GRK1: variants seen among roughly 807,000 people sequenced by gnomAD.
GRK1 encodes the protein G protein-coupled receptor kinase 1.
In GRK1, 28 loss-of-function variants were observed where a neutral mutation model predicts 41.7. The ratio of observed to expected loss-of-function variants is 0.67; its 90% CI spans 0.50 to 0.92. The LOEUF is 0.92. Ranked by LOEUF, GRK1 falls within the 40% of genes least tolerant of loss-of-function variation. The pLI, the probability that GRK1 is intolerant of heterozygous loss-of-function variation, is 0.00. For synonymous variants in GRK1, 327 were observed against 286.7 expected, an observed-to-expected ratio of 1.14 and a Z score of -1.42; for missense variants, 703 against 671.2, an observed-to-expected ratio of 1.05 and a Z score of -0.52.
Position 113,667,800 on chromosome 13 carries a change from T to G in GRK1, c.414T>G (p.Pro138=), listed in dbSNP as rs1273661549. 6.2e-7 allele frequency: 1 copy of G among 1,607,600 alleles called. No homozygotes were observed. The highest frequency in any genetic ancestry group is 1.1e-5 in the South Asian group (1 of 90,690). The part of the protein sequence containing the change: ...EGIVAKFKEG[P]VEIQDGLFQP... The stretch of plus-strand genomic sequence containing the variant: ...TAGTGGCGAAGTTTAAGGAGGGGCC[T>G]GTGGAGATCCAGGACGGGCTCTTCC... The change falls in exon 1 of 7, where the codon CCT becomes CCG. Residue 138 remains proline, a synonymous_variant. Coordinates refer to ENST00000335678, the MANE Select transcript of GRK1 (RefSeq NM_002929.3). The surrounding 1 kb of genome is among the most constrained non-coding windows in gnomAD (Gnocchi z 7.5).
upstream of GRK1, among the ~76,000 whole-genome samples, chr13:113,666,443 G>A (rs1398486648): frequency 3.3e-5 from 5 of 151,222 alleles, no homozygotes; most frequent in Non-Finnish European, 7.4e-5. Context: ...TGTCCCAGGT[G>A]TGTCCCAGGT....
chr13:113,725,322 T>C (rs375951900), intron 4 of GRK1, among the ~76,000 whole-genome samples: 16,366 of 114,418 alleles, frequency 0.14, 323 homozygotes, highest in Middle Eastern at 0.25. Flanking sequence ...AGGGGCGGGA[T>C]CCAGGGGCGT....
chr13:113,671,546 C>T lies in GRK1; in HGVS notation c.875C>T (p.Pro292Leu), dbSNP rs369158147. 55 of 778,710 alleles carry T rather than the reference C, an allele frequency of 7.1e-5. No homozygotes were observed. The highest frequency in any genetic ancestry group is 1.2e-4 in the Non-Finnish European group (49 of 417,968). The allele number at this position is 778,710 out of a possible 1,614,324, so 48.2% of individuals were successfully genotyped here. ...VNEENPGFPE[P>L]RALFYTAQII... is the part of the protein sequence containing the mutation. ...GAGGAGAACCCTGGCTTCCCGGAGCCGCGCGCCCTCTTCTACACGGCGCAG... is the reference window on the plus strand; with the variant it reads ...GAGGAGAACCCTGGCTTCCCGGAGCTGCGCGCCCTCTTCTACACGGCGCAG... The change falls in exon 3 of 7, where the codon CCG becomes CTG. Residue 292 changes from proline to leucine, a missense_variant. Transcript: ENST00000335678. This position sits in a 1 kb window ranked among gnomAD's most constrained non-coding sequence, Gnocchi z 4.1.
intron 4 of GRK1, among the ~76,000 whole-genome samples, chr13:113,730,051 C>T (rs921898270): frequency 3.4e-5 from 5 of 147,842 alleles, no homozygotes; most frequent in Admixed American, 6.7e-5. Flanking sequence ...CCAGACCCGT[C>T]CCTCCATCCC....
chr13:113,666,809 G>A (rs767403747), upstream of GRK1, among the ~76,000 whole-genome samples: 27 of 152,144 alleles, frequency 1.8e-4, no homozygotes, highest in Non-Finnish European at 3.2e-4. Context: ...ATTATCAGGT[G>A]GTTTTCTTTC....
chr13:113,669,772 A>C lies in GRK1; in HGVS notation c.785A>C (p.Asp262Ala). The change falls in exon 2 of 7, where the codon GAC becomes GCC. Residue 262 changes from aspartate to alanine, a missense_variant. Transcript: ENST00000335678. ...GCCTATGCGTTTGAAACCAAAGCCG[A>C]CCTCTGTCTGGTGATGACCATCATG... Reference protein sequence around the residue: ...SLAYAFETKADLCLVMTIMNG... With the variant: ...SLAYAFETKAALCLVMTIMNG... The C allele has an allele frequency of 6.2e-7, 1 of 1,613,848 alleles. No individual in the cohort carries two copies. Among genetic ancestry groups the C allele is most frequent in the Non-Finnish European group, 8.5e-7 (1 of 1,179,838 alleles).
At chr13:113,724,614 AC>A (rs2049878637) in intron 4 of GRK1, among the ~76,000 whole-genome samples, 1 of 151,548 alleles carries the variant, frequency 6.6e-6, no homozygotes. Context: ...CTGTGCCCAC[AC>A]CCCTCATGGC....
chr13:113,655,483 G>A, the GRK1 span, among the ~76,000 whole-genome samples: 1 of 152,204 alleles, frequency 6.6e-6, no homozygotes, highest in East Asian at 1.9e-4. Flanking sequence ...GTGTCCATAG[G>A]CACCGGCAAC....
At position 113,737,041 on chromosome 13, in the gene GRK1, G is replaced by A. The variant is rs993014106; in HGVS notation, c.*1678G>A. 1 of 152,390 alleles carries A rather than the reference G, an allele frequency of 6.6e-6. No homozygotes were observed. The highest frequency in any genetic ancestry group is 1.5e-5 in the Non-Finnish European group (1 of 68,136). 9.4% of individuals were successfully genotyped at this position (152,390 alleles called of 1,614,324 possible). A position where few individuals can be genotyped will look rare whatever the true frequency, so the allele number is the denominator to read the frequency against. ...CTGAGAGTCAGTGCTGCAGTGGGCAGGGCCTATGCCCTCACAGTCCTCAGG... is the reference window on the plus strand; with the variant it reads ...CTGAGAGTCAGTGCTGCAGTGGGCAAGGCCTATGCCCTCACAGTCCTCAGG... On this transcript the variant is annotated 3_prime_UTR_variant, in exon 7 of 7. Transcript: ENST00000335678.
At position 113,669,679 on chromosome 13, in the gene GRK1, C is replaced by A; in HGVS notation, c.700-8C>A. The A allele has an allele frequency of 6.2e-7, 1 of 1,613,916 alleles. No homozygotes were observed. Among genetic ancestry groups the A allele is most frequent in the Non-Finnish European group, 8.5e-7 (1 of 1,179,806 alleles). On this transcript the variant is annotated splice_region_variant and splice_polypyrimidine_tract_variant and intron_variant, in intron 1 of 6. Coordinates refer to ENST00000335678, the MANE Select transcript of GRK1 (RefSeq NM_002929.3). ...AAGCCAGTGCGTACTCAGCGTCTCACTTTTCAGGGTGCTATGGTGGAGAAG... is the reference window on the plus strand; with the variant it reads ...AAGCCAGTGCGTACTCAGCGTCTCAATTTTCAGGGTGCTATGGTGGAGAAG...
At chr13:113,660,333 G>A in the GRK1 span, among the ~76,000 whole-genome samples, 1 of 152,124 alleles carries the variant, frequency 6.6e-6, no homozygotes, top group Admixed American at 6.5e-5. Flanking sequence ...GAGACCATAT[G>A]GAAAGCCAGG....
At chr13:113,723,990 CTG>C (rs745508836) in intron 4 of GRK1, among the ~76,000 whole-genome samples, 24 of 152,216 alleles carry the variant, frequency 1.6e-4, no homozygotes, top group Middle Eastern at 3.4e-3. Context: ...GCCCGGGTCT[CTG>C]TGCACACGTG....
the GRK1 span, chr13:113,654,989 C>T: frequency 1.6e-5 from 26 of 1,610,026 alleles, no homozygotes; most frequent in Admixed American, 3.3e-5. Context: ...GCCATTTTAA[C>T]GCACACAATT....
intron 6 of GRK1, among the ~76,000 whole-genome samples, chr13:113,733,911 A>AGTGTGCGT (rs770260694): frequency 4.2e-4 from 24 of 57,342 alleles, no homozygotes. Context: ...GTGTGCATAC[A>AGTGTGCGT]GTGTGCGTGT....
rs770788740 is a variant in GRK1, at chr13:113,671,502, C to T, written c.831C>T (p.Tyr277=). Residue 277 remains tyrosine, a synonymous_variant, in exon 3 of 7, where the codon TAC becomes TAT. Transcript: ENST00000335678. This position sits in a 1 kb window ranked among gnomAD's most constrained non-coding sequence, Gnocchi z 4.1. ...MTIMNGGDIR[Y]HIYNVNEENP... ...GTTCCCACGTGTCTTCCCCCAGGTA[C>T]CACATCTACAACGTGAATGAGGAGA... The T allele has an allele frequency of 2.6e-6, 2 of 779,336 alleles. No homozygotes were observed. The highest frequency in any genetic ancestry group is 2.4e-5 in the East Asian group (1 of 41,250). The allele number at this position is 779,336 out of a possible 1,614,324, so 48.3% of individuals were successfully genotyped here.
In GRK1 at chr13:113,737,149, TG is replaced by T. The variant is rs1222159956; in HGVS notation, c.*1790del. On this transcript the variant is annotated 3_prime_UTR_variant, in exon 7 of 7. Coordinates refer to ENST00000335678, the MANE Select transcript of GRK1 (RefSeq NM_002929.3). ...GGAGATTTGCTGGCTGCAGCCAAAA[TG>T]GGGACCCAACTCCCTCCTATGTGGT... 4.6e-5 allele frequency: 7 copies of T among 152,738 alleles called. No homozygotes were observed. The highest frequency in any genetic ancestry group is 1.7e-4 in the African/African-American group (7 of 41,586). 9.5% of individuals were successfully genotyped at this position (152,738 alleles called of 1,614,324 possible).
chr13:113,655,240 T>G, the GRK1 span, among the ~76,000 whole-genome samples: 16 of 152,278 alleles, frequency 1.1e-4, no homozygotes, highest in Admixed American at 9.1e-4. Flanking sequence ...CTGTTTGAGA[T>G]GTGGCCGAGG....
the GRK1 span, chr13:113,650,300 A>G: frequency 9.0e-7 from 1 of 1,112,290 alleles, no homozygotes; most frequent in African/African-American, 1.5e-5. This position sits in a 1 kb window ranked among gnomAD's most constrained non-coding sequence, Gnocchi z 5.0. Context: ...GCTAAGTCAC[A>G]CCTTTGTTTC....
intron 4 of GRK1, among the ~76,000 whole-genome samples, chr13:113,729,409 C>T (rs573093440): frequency 4.5e-4 from 68 of 152,344 alleles, no homozygotes; most frequent in African/African-American, 1.6e-3. Flanking sequence ...GATGGCTGGA[C>T]ACACATGTGA....
Sources: gnomAD v4.1 joint callset for allele counts (sites outside exome capture counted in the v4.1 genomes callset) on GRCh38, gnomAD v4.1.1 for gene constraint, Gnocchi (gnomAD v3.1) non-coding constraint, MANE v1.5 for transcripts, NCBI Gene and HGNC (gene_info 2026-07-23, HGNC 2026-07-21) for gene names.